Variants in ZMIZ1 observed in about 807,000 individuals in gnomAD.
The protein encoded by ZMIZ1 is zinc finger MIZ domain-containing protein 1.
A neutral mutation model predicts 113.9 loss-of-function variants in ZMIZ1; 17 were observed. The observed-to-expected ratio is 0.15, with a 90% CI of 0.10 to 0.22. The LOEUF is 0.22. Among genes scored for constraint, ZMIZ1 ranks in the 10% least tolerant of loss-of-function variants. The pLI is 1.00. For synonymous variants in ZMIZ1, 607 were observed against 603.1 expected (o/e 1.01, Z -0.09); for missense variants, 1,059 against 1,477.8 (o/e 0.72, Z 4.65).
chr10:79,127,528 C>G (rs1479960038), intron 2 of ZMIZ1, among the ~76,000 whole-genome samples: 20 of 152,002 alleles, frequency 1.3e-4, no homozygotes, highest in Admixed American at 1.3e-3. Context: ...CCTCACAACC[C>G]CTGACTCATG....
In ZMIZ1 at chr10:79,136,928, A is replaced by C. The variant is rs1414889619; in HGVS notation, c.-226-2754A>C. Among the ~76,000 whole-genome samples, 4 of 152,146 alleles carry C rather than the reference A, an allele frequency of 2.6e-5. No homozygotes were observed. In the East Asian group the frequency reaches 7.7e-4, roughly 29 times the overall value. On this transcript the variant is annotated intron_variant, in intron 2 of 24. Transcript: ENST00000334512. ...ATAGAGTGTTCTAGGTGGGAGGGGC[A>C]GCAGTTTGCAAACAGGAACATTTCT...
intron 2 of ZMIZ1, among the ~76,000 whole-genome samples, chr10:79,121,498 A>G (rs113127861): frequency 4.6e-5 from 7 of 152,328 alleles, no homozygotes; most frequent in African/African-American, 1.7e-4. Flanking sequence ...TCTGCTTTCT[A>G]GCATGACCTA....
At chr10:79,213,867 A>T (rs1449618262) in intron 6 of ZMIZ1, among the ~76,000 whole-genome samples, 3 of 152,164 alleles carry the variant, frequency 2.0e-5, no homozygotes, top group Admixed American at 6.6e-5. Context: ...AATAATACCT[A>T]TCTCGTGGAG....
At chr10:79,188,549 C>G (rs1476789850) in intron 4 of ZMIZ1, among the ~76,000 whole-genome samples, 1 of 152,218 alleles carries the variant, frequency 6.6e-6, no homozygotes, top group Non-Finnish European at 1.5e-5. Flanking sequence ...TCTCTTCGCA[C>G]AGACGTCTTT....
At chr10:79,284,080 C>T (rs763092231) in intron 8 of ZMIZ1, among the ~76,000 whole-genome samples, 4 of 152,226 alleles carry the variant, frequency 2.6e-5, no homozygotes, top group African/African-American at 4.8e-5. Flanking sequence ...CCTCCCCCCG[C>T]GTTCCTTTCA....
chr10:79,274,222 G>A lies in ZMIZ1; in HGVS notation c.281-2959G>A, dbSNP rs890591318. 3.9e-4 allele frequency among the ~76,000 whole-genome samples: 59 copies of A among 152,332 alleles called. No homozygotes were observed. In the Middle Eastern group the frequency reaches 0.014, roughly 35 times the overall value. On this transcript the variant is annotated intron_variant, in intron 7 of 24. Transcript: ENST00000334512. ...GCCCTCCCATTGCCTGGTATGCTCT[G>A]CGCACACCACACCAGGTCCTCCCGT... is the stretch of plus-strand genomic sequence containing the variant.
chr10:79,190,713 A>G (rs1028447803), intron 4 of ZMIZ1, among the ~76,000 whole-genome samples: 1 of 152,184 alleles, frequency 6.6e-6, no homozygotes, highest in African/African-American at 2.4e-5. Flanking sequence ...TCAGAGCCTC[A>G]ACTTTCTCAT....
chr10:79,293,774 G>T (rs1853680672), intron 12 of ZMIZ1, 121 bp downstream of exon 12: 1 of 1,485,324 alleles, frequency 6.7e-7, no homozygotes, highest in Non-Finnish European at 9.3e-7. Flanking sequence ...GGACAAAGAG[G>T]CAGGGGCTTA....
At chr10:79,310,819 G>T (rs1029400322) in intron 23 of ZMIZ1, 105 bp from the exon 24 acceptor site, 87 of 1,333,106 alleles carry the variant, frequency 6.5e-5, no homozygotes, top group Non-Finnish European at 8.2e-5. Flanking sequence ...CCACGTTTCG[G>T]GGGTTGTGAC....
intron 8 of ZMIZ1, chr10:79,285,594 A>G (rs1297175528): frequency 6.6e-6 from 3 of 456,036 alleles, no homozygotes; most frequent in South Asian, 4.6e-5. Flanking sequence ...AACGAAATGG[A>G]CATATTCATT....
chr10:79,300,869 A>G lies in ZMIZ1; in HGVS notation c.1946A>G (p.Lys649Arg). The change falls in exon 17 of 25, where the codon AAG becomes AGG. Residue 649 changes from lysine (K) to arginine (R), a missense_variant. Lys to Arg is a conservative substitution (Grantham distance 26). This residue lies in a region of ZMIZ1 where 217 missense variants were observed against 426.9 expected (regional missense o/e 0.51). Coordinates refer to ENST00000334512, the MANE Select transcript of ZMIZ1 (RefSeq NM_020338.4). ...IERGDNKTSHKPLHLKHVCQP... is the reference protein window; with the variant it reads ...IERGDNKTSHRPLHLKHVCQP... ...CGCGGCGACAACAAGACCTCCCACA[A>G]GCCCCTGCACCTGAAGCACGTGTGC... 1.2e-6 allele frequency: 2 copies of G among 1,613,376 alleles called. No homozygotes were observed. Among genetic ancestry groups the G allele is most frequent in the Non-Finnish European group, 1.7e-6 (2 of 1,179,958 alleles).
rs1257166633 is a variant in ZMIZ1, at chr10:79,114,137, C to T, written c.-336-4778C>T. ...CCATTTCTATCCAGCGGCAGACTTC[C>T]CTGCCCGGCAGGAGCTGGCTCCCCA... is the stretch of plus-strand genomic sequence containing the variant. On this transcript the variant is annotated intron_variant, in intron 1 of 24. Transcript: ENST00000334512. 2.6e-5 allele frequency among the ~76,000 whole-genome samples: 4 copies of T among 152,206 alleles called. No homozygotes were observed. The South Asian group carries it at 8.3e-4, about 32-fold the overall frequency.
In ZMIZ1 at chr10:79,221,884, C is replaced by G. The variant is rs529955504; in HGVS notation, c.280+5610C>G. On this transcript the variant is annotated intron_variant, in intron 7 of 24. Transcript: ENST00000334512. ...AGAGCCCGAATGCCTGCTGCCTTCTCGCGCCCTTCCTGTCTTCCTGAGGCT... is the reference window on the plus strand; with the variant it reads ...AGAGCCCGAATGCCTGCTGCCTTCTGGCGCCCTTCCTGTCTTCCTGAGGCT... Among the ~76,000 whole-genome samples the G allele has an allele frequency of 7.2e-5, 11 of 152,382 alleles. No individual in the cohort carries two copies. The South Asian group carries it at 1.4e-3, about 20-fold the overall frequency.
chr10:79,276,970 CT>C (rs751817087), intron 7 of ZMIZ1, among the ~76,000 whole-genome samples: 1 of 152,164 alleles, frequency 6.6e-6, no homozygotes, highest in Non-Finnish European at 1.5e-5. Context: ...ATGACAGAAA[CT>C]TTTGTATCCT....
At chr10:79,304,298 A>C in intron 19 of ZMIZ1, 123 bp downstream of exon 19, 1 of 1,283,332 alleles carries the variant, frequency 7.8e-7, no homozygotes, top group Non-Finnish European at 1.1e-6. Flanking sequence ...CATGGAGATC[A>C]GCAGCTGGCG....
At chr10:79,268,611 A>G (rs2131936710) in intron 7 of ZMIZ1, among the ~76,000 whole-genome samples, 1 of 152,328 alleles carries the variant, frequency 6.6e-6, no homozygotes, top group East Asian at 1.9e-4. Context: ...GGGTTGTAGA[A>G]GTGAAGCCCC....
intron 3 of ZMIZ1, among the ~76,000 whole-genome samples, chr10:79,154,730 T>A (rs945252550): frequency 6.6e-6 from 1 of 152,186 alleles, no homozygotes; most frequent in Non-Finnish European, 1.5e-5. Flanking sequence ...GTGAGGACCC[T>A]GTCCTGGGAG....
intron 1 of ZMIZ1, among the ~76,000 whole-genome samples, chr10:79,104,561 CTG>C (rs954850436): frequency 5.3e-5 from 8 of 152,230 alleles, no homozygotes; most frequent in African/African-American, 1.9e-4. Context: ...AACTCAGTGC[CTG>C]GTCGTAGGAT....
intron 17 of ZMIZ1, among the ~76,000 whole-genome samples, chr10:79,301,714 G>A (rs1026024760): frequency 2.6e-5 from 4 of 152,134 alleles, no homozygotes; most frequent in African/African-American, 9.7e-5. Context: ...AGAGTGAGGC[G>A]GCTGATGGGT....
Sources: gnomAD v4.1 joint callset for allele counts (sites outside exome capture counted in the v4.1 genomes callset) on GRCh38, gnomAD v4.1.1 for gene constraint, gnomAD v4.1.1 regional missense constraint, MANE v1.5 for transcripts, NCBI Gene and HGNC (gene_info 2026-07-23, HGNC 2026-07-21) for gene names.